ATP2B2: variants seen among roughly 807,000 people sequenced by gnomAD.
The protein encoded by ATP2B2 is plasma membrane calcium-transporting ATPase 2.
Under a neutral mutation model 120.0 loss-of-function variants are expected in ATP2B2, and 15 were observed. The observed-to-expected ratio is 0.12, with a 90% CI of 0.08 to 0.19. The LOEUF is 0.19. Ranked by LOEUF, ATP2B2 falls within the 10% of genes least tolerant of loss-of-function variation. ATP2B2 has a pLI of 1.00. For synonymous variants in ATP2B2, 694 were observed against 700.3 expected, an observed-to-expected ratio of 0.99 and a Z score of 0.14; for missense variants, 1,045 against 1,719.8, an observed-to-expected ratio of 0.61 and a Z score of 6.94.
chr3:10,613,411 G>A (rs2069294501), intron 2 of ATP2B2, among the ~76,000 whole-genome samples: 1 of 152,160 alleles, frequency 6.6e-6, no homozygotes, highest in African/African-American at 2.4e-5. Context: ...CAGAACTGCG[G>A]GCAGCTTGGG....
At chr3:10,621,418 G>A (rs903688216) in intron 1 of ATP2B2, among the ~76,000 whole-genome samples, 1 of 152,234 alleles carries the variant, frequency 6.6e-6, no homozygotes, top group African/African-American at 2.4e-5. Context: ...CCGACAAGAG[G>A]CAGCCAAATG....
intron 2 of ATP2B2, among the ~76,000 whole-genome samples, chr3:10,539,540 C>T (rs1341108038): frequency 6.6e-6 from 1 of 152,154 alleles, no homozygotes; most frequent in East Asian, 1.9e-4. Flanking sequence ...TGGAACCAAA[C>T]AGAGCCCTCG....
intron 2 of ATP2B2, among the ~76,000 whole-genome samples, chr3:10,608,329 TG>T (rs2069139777): frequency 6.6e-6 from 1 of 152,220 alleles, no homozygotes; most frequent in East Asian, 1.9e-4. Flanking sequence ...GAGGCTGAGG[TG>T]GGAGGATCAC....
Position 10,419,537 on chromosome 3 carries a change from T to C in ATP2B2, c.200-8722A>G, listed in dbSNP as rs551992643. ...ACCACAGCCATAACATGCCCCTACC[T>C]AGATCGGGAGACCTGGTTGGCATCT... On this transcript the variant is annotated intron_variant, in intron 2 of 22. Coordinates refer to ENST00000360273, the MANE Select transcript of ATP2B2 (RefSeq NM_001001331.4). Among the ~76,000 whole-genome samples, 12 of 152,328 alleles carry C rather than the reference T, an allele frequency of 7.9e-5. No individual in the cohort carries two copies. The South Asian group carries it at 2.1e-3, about 26-fold the overall frequency.
At chr3:10,560,101 T>C (rs2067869657) in intron 2 of ATP2B2, among the ~76,000 whole-genome samples, 1 of 152,194 alleles carries the variant, frequency 6.6e-6, no homozygotes, top group South Asian at 2.1e-4. Context: ...AATTAAATTT[T>C]CACAAAAAGA....
At chr3:10,653,058 T>A (rs1211173814) in intron 1 of ATP2B2, among the ~76,000 whole-genome samples, 1 of 152,218 alleles carries the variant, frequency 6.6e-6, no homozygotes, top group Non-Finnish European at 1.5e-5. Context: ...ACCACTGAAC[T>A]GTACACCTAA....
intron 2 of ATP2B2, among the ~76,000 whole-genome samples, chr3:10,558,439 G>A (rs572757827): frequency 3.4e-4 from 52 of 152,304 alleles, no homozygotes; most frequent in African/African-American, 1.2e-3. Flanking sequence ...GTCACCTAAA[G>A]CTTCTGAGAA....
chr3:10,646,960 T>C (rs1438661022), intron 1 of ATP2B2, among the ~76,000 whole-genome samples: 1 of 152,102 alleles, frequency 6.6e-6, no homozygotes, highest in African/African-American at 2.4e-5. Context: ...GTGCACAGCA[T>C]CAGAGGTTGG....
At chr3:10,514,682 C>A (rs1423623595) in intron 3 of ATP2B2, among the ~76,000 whole-genome samples, 1 of 152,232 alleles carries the variant, frequency 6.6e-6, no homozygotes, top group African/African-American at 2.4e-5. Context: ...CCATAAGGAA[C>A]CCCCCTTATG....
chr3:10,628,397 C>T (rs921434452), intron 1 of ATP2B2, among the ~76,000 whole-genome samples: 9 of 150,468 alleles, frequency 6.0e-5, no homozygotes, highest in African/African-American at 2.0e-4. Context: ...CAGCCAGGAG[C>T]AGCCCTCCTC....
intron 1 of ATP2B2, among the ~76,000 whole-genome samples, chr3:10,480,328 C>T (rs1029416386): frequency 1.2e-4 from 19 of 152,160 alleles, no homozygotes; most frequent in African/African-American, 4.3e-4. Context: ...ATGAAAGTGT[C>T]GAGCACCAAA....
chr3:10,425,712 C>T (rs1433659923), intron 2 of ATP2B2, among the ~76,000 whole-genome samples: 3 of 152,158 alleles, frequency 2.0e-5, no homozygotes, highest in Non-Finnish European at 2.9e-5. Flanking sequence ...CAGCAAAATT[C>T]AAGAAAAACA....
chr3:10,486,642 G>A (rs1008134550), intron 1 of ATP2B2, among the ~76,000 whole-genome samples: 5 of 152,206 alleles, frequency 3.3e-5, no homozygotes, highest in African/African-American at 4.8e-5. Flanking sequence ...CCCTGACCAC[G>A]CTAGTGGCAG....
intron 2 of ATP2B2, among the ~76,000 whole-genome samples, chr3:10,559,184 CTTTA>C (rs1348139273): frequency 6.6e-6 from 1 of 152,098 alleles, no homozygotes; most frequent in Non-Finnish European, 1.5e-5. Flanking sequence ...CATTTTCACA[CTTTA>C]TTTAAGCTTG....
intron 22 of ATP2B2, chr3:10,336,186 C>A: frequency 6.4e-6 from 10 of 1,550,658 alleles, no homozygotes; most frequent in Non-Finnish European, 8.7e-6. Context: ...GACAACGACA[C>A]GCGACTAGGG....
At chr3:10,636,328 G>A (rs13079701) in intron 1 of ATP2B2, among the ~76,000 whole-genome samples, 48,636 of 152,026 alleles carry the variant, frequency 0.32, 12,849 homozygotes, top group African/African-American at 0.72. Flanking sequence ...CTCTCCTCTT[G>A]GGACTTGTCT....
chr3:10,605,140 C>G (rs1223107811), intron 2 of ATP2B2, among the ~76,000 whole-genome samples: 1 of 152,190 alleles, frequency 6.6e-6, no homozygotes, highest in Admixed American at 6.5e-5. Flanking sequence ...CACTCCACAT[C>G]TCTAGGGAAT....
intron 2 of ATP2B2, among the ~76,000 whole-genome samples, chr3:10,556,443 G>A (rs576836680): frequency 6.6e-6 from 1 of 152,224 alleles, no homozygotes; most frequent in Non-Finnish European, 1.5e-5. Context: ...GACTGTGTCA[G>A]GAGAGGATTG....
chr3:10,611,645 G>C (rs1254385005), intron 2 of ATP2B2, among the ~76,000 whole-genome samples: 1 of 152,016 alleles, frequency 6.6e-6, no homozygotes, highest in African/African-American at 2.4e-5. Flanking sequence ...TCCTCACCCA[G>C]GATCTCCCAA....
Sources: allele counts gnomAD v4.1 joint callset (sites outside exome capture counted in the v4.1 genomes callset), GRCh38; gene constraint gnomAD v4.1.1; transcripts MANE v1.5; gene names NCBI Gene and HGNC (gene_info 2026-07-23, HGNC 2026-07-21).